Variants in COMMD8 observed in about 807,000 individuals in gnomAD.
COMMD8 encodes COMM domain-containing protein 8.
A neutral mutation model predicts 27.2 loss-of-function variants in COMMD8; 28 were observed. That is an observed-to-expected ratio of 1.03 (90% CI 0.76 to 1.41). COMMD8 has a LOEUF of 1.41. Among genes scored for constraint, COMMD8 ranks in the 40% most tolerant of loss-of-function variants. COMMD8 has a pLI of 0.00. For missense variants in COMMD8, 217 were observed against 211.2 expected, an observed-to-expected ratio of 1.03 and a Z score of -0.17; for synonymous variants, 79 against 75.5, an observed-to-expected ratio of 1.05 and a Z score of -0.24.
intron 1 of COMMD8, among the ~76,000 whole-genome samples, chr4:47,461,519 T>A (rs1730024546): frequency 2.0e-5 from 3 of 147,216 alleles, no homozygotes; most frequent in African/African-American, 7.5e-5. Flanking sequence ...GTCCCCATGC[T>A]AAAAAAAAAA....
chr4:47,451,422 C>T lies in COMMD8; in HGVS notation c.*223G>A. 4.5e-6 allele frequency: 2 copies of T among 448,628 alleles called. No individual in the cohort carries two copies. The highest frequency in any genetic ancestry group is 6.9e-5 in the South Asian group (2 of 29,046). The allele number at this position is 448,628 out of a possible 1,614,324, so 27.8% of individuals were successfully genotyped here. On this transcript the variant is annotated 3_prime_UTR_variant, in exon 5 of 5. Coordinates refer to ENST00000381571, the MANE Select transcript of COMMD8 (RefSeq NM_017845.5). Reference sequence around the variant, plus strand: ...AAAACAATCATGAAAATATAAACTGCTACTATAGATTTTTCATCTTTCATT... The same window carrying T: ...AAAACAATCATGAAAATATAAACTGTTACTATAGATTTTTCATCTTTCATT...
At chr4:47,459,116 ATAGTAT>A (rs989271393) in intron 2 of COMMD8, among the ~76,000 whole-genome samples, 1 of 152,126 alleles carries the variant, frequency 6.6e-6, no homozygotes, top group African/African-American at 2.4e-5. Context: ...CAAAACATTA[ATAGTAT>A]TAGCCAGCAA....
Position 47,451,260 on chromosome 4 carries a change from T to C in COMMD8, c.*385A>G, listed in dbSNP as rs1158041546. On this transcript the variant is annotated 3_prime_UTR_variant, in exon 5 of 5. Coordinates refer to ENST00000381571, the MANE Select transcript of COMMD8 (RefSeq NM_017845.5). The stretch of plus-strand genomic sequence containing the variant: ...ACAAAGTATATATCCATAATATATG[T>C]TGCTATTCACACAATTCTTTAAGCA... The C allele has an allele frequency of 4.7e-6, 1 of 214,410 alleles. No individual in the cohort carries two copies. The highest frequency in any genetic ancestry group is 9.2e-6 in the Non-Finnish European group (1 of 108,510). The allele number at this position is 214,410 out of a possible 1,614,324, so 13.3% of individuals were successfully genotyped here.
chr4:47,457,181 T>C (rs1258891456), intron 2 of COMMD8, among the ~76,000 whole-genome samples: 1 of 152,238 alleles, frequency 6.6e-6, no homozygotes, highest in African/African-American at 2.4e-5. Context: ...GTTCCATGCA[T>C]TTCAAATAAG....
At chr4:47,463,047 T>C (rs1317644486) in intron 1 of COMMD8, among the ~76,000 whole-genome samples, 1 of 152,208 alleles carries the variant, frequency 6.6e-6, no homozygotes, top group Non-Finnish European at 1.5e-5. Context: ...ATGAATGTGG[T>C]TGCTTTTTCC....
In COMMD8 at chr4:47,456,665, C is replaced by A. The variant is rs780602871; in HGVS notation, c.287G>T (p.Ser96Ile). The change falls in exon 3 of 5, where the codon AGT becomes ATT. Residue 96 changes from serine to isoleucine, a missense_variant. By Grantham distance (142) the Ser-to-Ile change is moderately radical. Coordinates refer to ENST00000381571, the MANE Select transcript of COMMD8 (RefSeq NM_017845.5). Reference protein sequence around the residue: ...HQETIMKCVKSRKDEIKQALS... With the variant: ...HQETIMKCVKIRKDEIKQALS... ...AGCCTGTTTGATTTCATCTTTCCTACTTTTCACGCATTTCATGATAGTTTC... is the reference window on the plus strand; with the variant it reads ...AGCCTGTTTGATTTCATCTTTCCTAATTTTCACGCATTTCATGATAGTTTC... 8 of 1,609,442 alleles carry A rather than the reference C, an allele frequency of 5.0e-6. No individual in the cohort carries two copies. Among genetic ancestry groups the A allele is most frequent in the African/African-American group, 1.3e-5 (1 of 74,612 alleles).
intron 3 of COMMD8, among the ~76,000 whole-genome samples, chr4:47,456,014 G>C (rs1729876548): frequency 6.6e-6 from 1 of 151,978 alleles, no homozygotes; most frequent in African/African-American, 2.4e-5. Flanking sequence ...GGTGGGTGGA[G>C]GCAGGCAGAT....
chr4:47,460,178 T>C lies in COMMD8; in HGVS notation c.188A>G (p.Lys63Arg). ...AGGTAAGTTTTTACCAACTATGGCT[T>C]TGAAAAATTTGGCAATATCTTCTAA... ...HVLEDIAKFF[K>R]AIVGKNLPDE... Residue 63 changes from lysine to arginine, a missense_variant, in exon 2 of 5, where the codon AAA becomes AGA. Physicochemically the swap from Lys to Arg is conservative, Grantham distance 26. Transcript: ENST00000381571. 2 of 1,613,720 alleles carry C rather than the reference T, an allele frequency of 1.2e-6. No homozygotes were observed. The highest frequency in any genetic ancestry group is 1.1e-5 in the South Asian group (1 of 91,056).
rs1358264822 is a variant in COMMD8 at position 47,463,501 on chromosome 4, G to C, written c.66+85C>G. Reference sequence around the variant, plus strand: ...CCTTCCCTAGGGAGCTTGCGAAGGCGTCCGGGTCGCACCCGGCCTGATCCG... The same window carrying C: ...CCTTCCCTAGGGAGCTTGCGAAGGCCTCCGGGTCGCACCCGGCCTGATCCG... On this transcript the variant is annotated intron_variant, in intron 1 of 4. Coordinates refer to ENST00000381571, the MANE Select transcript of COMMD8 (RefSeq NM_017845.5). 12 of 1,336,758 alleles carry C rather than the reference G, an allele frequency of 9.0e-6. No individual in the cohort carries two copies. In the Admixed American group the frequency reaches 1.1e-4, roughly 12 times the overall value. The allele number at this position is 1,336,758 out of a possible 1,614,324, so 82.8% of individuals were successfully genotyped here.
intron 1 of COMMD8, 111 bp downstream of exon 1, chr4:47,463,475 C>T (rs1311892569): frequency 9.9e-7 from 1 of 1,013,848 alleles, no homozygotes; most frequent in East Asian, 2.7e-5. Context: ...CCTTCCTCCT[C>T]CCTTCCCTAG....
At chr4:47,456,506 A>G (rs1055627408) in intron 3 of COMMD8, 71 bp downstream of exon 3, 3 of 1,060,918 alleles carry the variant, frequency 2.8e-6, no homozygotes, top group Non-Finnish European at 4.0e-6. Flanking sequence ...TTTTATATAT[A>G]TGATATTATA....
chr4:47,461,854 A>G (rs1730034960), intron 1 of COMMD8, among the ~76,000 whole-genome samples: 1 of 152,262 alleles, frequency 6.6e-6, no homozygotes, highest in African/African-American at 2.4e-5. Flanking sequence ...AGTCCATTCG[A>G]AAAAGGCAAA....
intron 2 of COMMD8, among the ~76,000 whole-genome samples, chr4:47,457,764 G>C (rs1459353703): frequency 6.7e-6 from 1 of 148,494 alleles, no homozygotes; most frequent in Non-Finnish European, 1.5e-5. Context: ...CTGAGAACAG[G>C]AAAAAAATCC....
intron 2 of COMMD8, among the ~76,000 whole-genome samples, chr4:47,459,670 A>T (rs999673523): frequency 5.3e-5 from 8 of 152,168 alleles, no homozygotes; most frequent in African/African-American, 1.9e-4. Flanking sequence ...ACATTTTATT[A>T]CAAGTTATAC....
At chr4:47,454,500 AC>A (rs1184150791) in intron 3 of COMMD8, among the ~76,000 whole-genome samples, 2 of 152,202 alleles carry the variant, frequency 1.3e-5, no homozygotes, top group African/African-American at 4.8e-5. Flanking sequence ...GGCAGCCAAA[AC>A]TAAACAGATA....
Position 47,460,145 on chromosome 4 carries a change from T to C in COMMD8, c.221A>G (p.Glu74Gly), listed in dbSNP as rs748388527. 4.3e-6 allele frequency: 7 copies of C among 1,612,168 alleles called. No individual in the cohort carries two copies. The highest frequency in any genetic ancestry group is 1.1e-5 in the South Asian group (1 of 90,632). The change falls in exon 2 of 5, where the codon GAG (glutamate) becomes GGG (glycine). Residue 74 changes from glutamate (E) to glycine (G), a missense_variant and splice_region_variant. By Grantham distance (98) the Glu-to-Gly change is moderately conservative (BLOSUM62 -2). Coordinates refer to ENST00000381571, the MANE Select transcript of COMMD8 (RefSeq NM_017845.5). ...AIVGKNLPDEEIFQQLNQLNS... is the reference protein window; with the variant it reads ...AIVGKNLPDEGIFQQLNQLNS... ...TATAGAAATGTGCAGAGAAGTTACC[T>C]CTTCATCAGGTAAGTTTTTACCAAC... is the stretch of plus-strand genomic sequence containing the variant.
intron 2 of COMMD8, among the ~76,000 whole-genome samples, chr4:47,457,882 A>G (rs1448473702): frequency 2.0e-5 from 3 of 151,676 alleles, no homozygotes; most frequent in Non-Finnish European, 2.9e-5. Context: ...ACTCAAATAT[A>G]GATGTAAAAA....
At chr4:47,458,400 G>A (rs938282025) in intron 2 of COMMD8, among the ~76,000 whole-genome samples, 1 of 151,966 alleles carries the variant, frequency 6.6e-6, no homozygotes, top group Non-Finnish European at 1.5e-5. Flanking sequence ...TGGGACACAA[G>A]GTATATAAAA....
At chr4:47,463,008 T>C (rs1730100953) in intron 1 of COMMD8, among the ~76,000 whole-genome samples, 1 of 152,210 alleles carries the variant, frequency 6.6e-6, no homozygotes, top group African/African-American at 2.4e-5. Flanking sequence ...CAATCTATGG[T>C]AGACTTCAAT....
Sources: gnomAD v4.1 joint callset for allele counts (sites outside exome capture counted in the v4.1 genomes callset) on GRCh38, gnomAD v4.1.1 for gene constraint, MANE v1.5 for transcripts, NCBI Gene and HGNC (gene_info 2026-07-23, HGNC 2026-07-21) for gene names.